The following ZFAT variants were observed in gnomAD, a reference collection of about 807,000 sequenced individuals.
ZFAT encodes the protein zinc finger and AT-hook domain containing.
In ZFAT, 64 loss-of-function variants were observed where a neutral mutation model predicts 117.7. That is an observed-to-expected ratio of 0.54 (90% confidence interval 0.44 to 0.67). The LOEUF is 0.67. ZFAT is among the 30% of genes least tolerant of loss of function. The pLI is 0.00. For synonymous variants in ZFAT, 679 were observed against 615.0 expected (o/e 1.10, Z -1.54); for missense variants, 1,433 against 1,584.5 (o/e 0.90, Z 1.62).
At chr8:134,774,301 C>G in the ZFAT span, among the ~76,000 whole-genome samples, 164 of 152,158 alleles carry the variant, frequency 1.1e-3, no homozygotes, top group African/African-American at 3.7e-3. Flanking sequence ...CTGGGCTTAA[C>G]TCCAGTTTTG....
chr8:134,709,713 G>GCT (rs1207737576), intron 1 of ZFAT, among the ~76,000 whole-genome samples: 1 of 152,200 alleles, frequency 6.6e-6, no homozygotes, highest in African/African-American at 2.4e-5. Flanking sequence ...GACTGCCCTT[G>GCT]CTCTAGGCAA....
intron 12 of ZFAT, among the ~76,000 whole-genome samples, chr8:134,522,690 C>T (rs944644630): frequency 6.6e-6 from 1 of 152,200 alleles, no homozygotes; most frequent in Admixed American, 6.5e-5. Flanking sequence ...AGCCCCAGCC[C>T]TCCTTGCTCT....
intron 7 of ZFAT, among the ~76,000 whole-genome samples, chr8:134,593,275 G>C (rs1356705427): frequency 6.6e-6 from 1 of 151,502 alleles, no homozygotes; most frequent in Non-Finnish European, 1.5e-5. Context: ...ATTTATCTCA[G>C]AGCTTATCAG....
chr8:134,652,103 A>G (rs1831280314), intron 2 of ZFAT, among the ~76,000 whole-genome samples: 1 of 152,216 alleles, frequency 6.6e-6, no homozygotes. Context: ...AGATCACGTG[A>G]TGTCAGGAGT....
At chr8:134,829,756 T>C in the ZFAT span, among the ~76,000 whole-genome samples, 8 of 152,214 alleles carry the variant, frequency 5.3e-5, no homozygotes, top group Non-Finnish European at 1.0e-4. Context: ...AGCTGAAACA[T>C]TCACATCACA....
intron 1 of ZFAT, among the ~76,000 whole-genome samples, chr8:134,689,050 G>A (rs903957820): frequency 1.3e-5 from 2 of 152,210 alleles, no homozygotes; most frequent in African/African-American, 4.8e-5. Flanking sequence ...AAGGCAGGCA[G>A]GATTCAACTC....
At chr8:134,545,156 G>C (rs568789106) in intron 11 of ZFAT, among the ~76,000 whole-genome samples, 1 of 152,308 alleles carries the variant, frequency 6.6e-6, no homozygotes, top group East Asian at 1.9e-4. Flanking sequence ...GGTGAACTAG[G>C]GCTACATGTG....
the ZFAT span, among the ~76,000 whole-genome samples, chr8:134,790,386 C>T: frequency 6.6e-6 from 1 of 152,166 alleles, no homozygotes; most frequent in African/African-American, 2.4e-5. Flanking sequence ...CTTTAGCCTG[C>T]AGAACATGCT....
chr8:134,741,375 G>A, the ZFAT span, among the ~76,000 whole-genome samples: 162 of 152,248 alleles, frequency 1.1e-3, 1 homozygote, highest in Non-Finnish European at 5.7e-4. Flanking sequence ...AACACTTCTC[G>A]GAGTTGGGAT....
At chr8:134,640,548 T>C (rs1830523550) in intron 2 of ZFAT, among the ~76,000 whole-genome samples, 1 of 152,218 alleles carries the variant, frequency 6.6e-6, no homozygotes, top group East Asian at 1.9e-4. Context: ...GTCCCTGTCC[T>C]GATTACTTTT....
At chr8:134,684,825 C>A (rs1833242204) in intron 1 of ZFAT, among the ~76,000 whole-genome samples, 1 of 152,100 alleles carries the variant, frequency 6.6e-6, no homozygotes, top group Non-Finnish European at 1.5e-5. Context: ...CCTCAAAGTG[C>A]CAGATTCCAG....
the ZFAT span, among the ~76,000 whole-genome samples, chr8:134,800,214 C>T: frequency 6.6e-6 from 1 of 152,028 alleles, no homozygotes; most frequent in Non-Finnish European, 1.5e-5. Context: ...TGAAAAGATA[C>T]AATAAAAATT....
the ZFAT span, chr8:134,766,556 T>A: frequency 6.6e-6 from 1 of 152,180 alleles, no homozygotes; most frequent in Non-Finnish European, 1.5e-5. Flanking sequence ...ATTTCACTTT[T>A]CAATTTATTA....
At chr8:134,615,515 C>A (rs1804624529) in intron 3 of ZFAT, among the ~76,000 whole-genome samples, 3 of 152,072 alleles carry the variant, frequency 2.0e-5, no homozygotes. Context: ...GAGTCAAATC[C>A]CCACTACCTA....
upstream of ZFAT, among the ~76,000 whole-genome samples, chr8:134,716,207 GCA>G (rs1230240893): frequency 2.6e-5 from 4 of 151,144 alleles, no homozygotes; most frequent in Non-Finnish European, 1.5e-5. Context: ...GCATATGTAT[GCA>G]CACACACATA....
the ZFAT span, among the ~76,000 whole-genome samples, chr8:134,780,583 G>A: frequency 3.9e-5 from 6 of 152,328 alleles, no homozygotes; most frequent in South Asian, 6.2e-4. Flanking sequence ...GCCAGAAATC[G>A]GGGTTCAAAT....
At chr8:134,510,392 TA>T (rs1176679839) in intron 14 of ZFAT, among the ~76,000 whole-genome samples, 1 of 152,122 alleles carries the variant, frequency 6.6e-6, no homozygotes, top group Non-Finnish European at 1.5e-5. Flanking sequence ...ACTAATTTAC[TA>T]AAAGAGAAAT....
At chr8:134,750,710 G>A in the ZFAT span, among the ~76,000 whole-genome samples, 7 of 152,144 alleles carry the variant, frequency 4.6e-5, no homozygotes, top group African/African-American at 1.7e-4. Flanking sequence ...AAGTTGCAGT[G>A]AGCCGTGATT....
intron 3 of ZFAT, among the ~76,000 whole-genome samples, chr8:134,617,339 G>T (rs902017954): frequency 2.0e-5 from 3 of 152,276 alleles, no homozygotes; most frequent in Non-Finnish European, 4.4e-5. Flanking sequence ...AAATGCTTCA[G>T]TTTGTTCAAT....
Sources: allele counts gnomAD v4.1 joint callset (sites outside exome capture counted in the v4.1 genomes callset), GRCh38; gene constraint gnomAD v4.1.1; transcripts MANE v1.5; gene names NCBI Gene and HGNC (gene_info 2026-07-23, HGNC 2026-07-21).